CAMKMT: variants seen among roughly 807,000 people sequenced by gnomAD.
The protein encoded by CAMKMT is calmodulin-lysine N-methyltransferase.
A neutral mutation model predicts 48.0 loss-of-function variants in CAMKMT; 53 were observed. The observed-to-expected ratio is 1.10, with a 90% CI of 0.89 to 1.39. The LOEUF (loss-of-function observed/expected upper bound fraction) is 1.39, where lower values mean the gene tolerates loss of function less well. CAMKMT is among the 40% of genes most tolerant of loss of function. The probability of loss-of-function intolerance (pLI) is 0.00; values close to 1 mark genes in which losing one functional copy is unlikely to be tolerated. For missense variants in CAMKMT, 428 were observed against 402.7 expected (o/e 1.06, Z -0.54); for synonymous variants, 165 against 152.3 (o/e 1.08, Z -0.61).
chr2:44,615,352 G>A (rs1457762530), intron 3 of CAMKMT, among the ~76,000 whole-genome samples: 2 of 152,170 alleles, frequency 1.3e-5, no homozygotes, highest in Admixed American at 6.5e-5. Context: ...TGGGGCCGGG[G>A]AAGAGCAATA....
chr2:44,701,595 A>T (rs1273696169), intron 3 of CAMKMT, among the ~76,000 whole-genome samples: 1 of 152,178 alleles, frequency 6.6e-6, no homozygotes, highest in African/African-American at 2.4e-5. Flanking sequence ...TTGGGAAAAG[A>T]TGGGTTGTCA....
intron 3 of CAMKMT, among the ~76,000 whole-genome samples, chr2:44,599,826 TAAA>T (rs35544020): frequency 2.1e-5 from 3 of 145,438 alleles, no homozygotes; most frequent in South Asian, 2.2e-4. Context: ...TGGCAAGGTT[TAAA>T]AAAAAAAAAA....
At chr2:44,755,946 G>A (rs1396111634) in intron 9 of CAMKMT, among the ~76,000 whole-genome samples, 1 of 152,142 alleles carries the variant, frequency 6.6e-6, no homozygotes, top group Non-Finnish European at 1.5e-5. Context: ...GCAGTGGGGG[G>A]GCCTCACTTA....
chr2:44,396,548 G>A (rs1067341), intron 3 of CAMKMT, among the ~76,000 whole-genome samples: 83,504 of 151,860 alleles, frequency 0.55, 24,571 homozygotes, highest in Non-Finnish European at 0.66. Flanking sequence ...TTAAAAGTGA[G>A]ATAATTTTTG....
At chr2:44,523,614 A>G (rs1414878961) in intron 3 of CAMKMT, among the ~76,000 whole-genome samples, 1 of 151,448 alleles carries the variant, frequency 6.6e-6, no homozygotes, top group Middle Eastern at 3.2e-3. Context: ...CACTTATAAG[A>G]TGATTTCTTT....
intron 3 of CAMKMT, among the ~76,000 whole-genome samples, chr2:44,687,754 A>T (rs1185795747): frequency 6.6e-6 from 1 of 152,280 alleles, no homozygotes; most frequent in African/African-American, 2.4e-5. Flanking sequence ...CTGTGGATGG[A>T]TGCATCTAAG....
intron 7 of CAMKMT, among the ~76,000 whole-genome samples, chr2:44,738,276 CT>C (rs546943323): frequency 4.0e-5 from 6 of 150,936 alleles, no homozygotes; most frequent in Non-Finnish European, 6.0e-5. Flanking sequence ...TTATTTCTGT[CT>C]TCTTAAGGAT....
At chr2:44,617,347 T>C (rs994551500) in intron 3 of CAMKMT, among the ~76,000 whole-genome samples, 6 of 152,218 alleles carry the variant, frequency 3.9e-5, no homozygotes, top group Admixed American at 3.9e-4. Context: ...AAATTATTAT[T>C]GTTGAATTGC....
intron 3 of CAMKMT, among the ~76,000 whole-genome samples, chr2:44,413,524 C>T (rs1006698285): frequency 1.3e-5 from 2 of 151,762 alleles, no homozygotes; most frequent in South Asian, 4.2e-4. Context: ...GGGTGGCATG[C>T]GCCTATAATC....
At chr2:44,733,442 C>T (rs926122522) in intron 7 of CAMKMT, among the ~76,000 whole-genome samples, 10 of 152,084 alleles carry the variant, frequency 6.6e-5, no homozygotes, top group African/African-American at 2.4e-4. Context: ...TTTTGTATAT[C>T]TCTTTATACA....
At chr2:44,428,299 C>T (rs1353932412) in intron 3 of CAMKMT, among the ~76,000 whole-genome samples, 9 of 152,172 alleles carry the variant, frequency 5.9e-5, no homozygotes, top group African/African-American at 1.2e-4. Flanking sequence ...TTCGGTCGTT[C>T]CCAGCCCAAC....
At chr2:44,420,459 C>T (rs915201054) in intron 3 of CAMKMT, among the ~76,000 whole-genome samples, 1 of 152,064 alleles carries the variant, frequency 6.6e-6, no homozygotes, top group Non-Finnish European at 1.5e-5. Flanking sequence ...CAAAAATTTG[C>T]ATATAACTTT....
chr2:44,643,236 A>G (rs1178915102), intron 3 of CAMKMT, among the ~76,000 whole-genome samples: 1 of 152,246 alleles, frequency 6.6e-6, no homozygotes, highest in Non-Finnish European at 1.5e-5. Context: ...AAGATTTTCC[A>G]ATTAGTCAAG....
chr2:44,578,134 G>T lies in CAMKMT; in HGVS notation c.377-126149G>T, dbSNP rs532005515. Among the ~76,000 whole-genome samples the T allele has an allele frequency of 3.8e-4, 58 of 152,188 alleles. 1 individual carries two copies. The South Asian group carries it at 0.012, about 32-fold the overall frequency. On this transcript the variant is annotated intron_variant, in intron 3 of 10. Coordinates refer to ENST00000378494, the MANE Select transcript of CAMKMT (RefSeq NM_024766.5). ...GAAGGGCCCACATGAGAGCTCAGGC[G>T]GGTTGGAGGTGATCTCTCATTACCT...
intron 3 of CAMKMT, among the ~76,000 whole-genome samples, chr2:44,469,468 A>G (rs1250825583): frequency 3.3e-5 from 5 of 151,992 alleles, no homozygotes; most frequent in Non-Finnish European, 7.4e-5. Context: ...TAAATTTTAG[A>G]AACATTTTCT....
intron 3 of CAMKMT, among the ~76,000 whole-genome samples, chr2:44,417,209 T>G (rs1339410474): frequency 1.3e-5 from 2 of 151,944 alleles, no homozygotes; most frequent in Non-Finnish European, 2.9e-5. Context: ...CTGACCAACA[T>G]GGTGAAACCC....
At chr2:44,724,044 G>C (rs1378791012) in intron 7 of CAMKMT, among the ~76,000 whole-genome samples, 1 of 152,138 alleles carries the variant, frequency 6.6e-6, no homozygotes, top group East Asian at 1.9e-4. Context: ...GTCCTTAGGG[G>C]AACTGTCACT....
intron 3 of CAMKMT, among the ~76,000 whole-genome samples, chr2:44,654,723 C>T (rs1229921772): frequency 6.6e-6 from 1 of 152,168 alleles, no homozygotes; most frequent in African/African-American, 2.4e-5. Context: ...CCATGTTGGC[C>T]AGATTGGTCT....
intron 3 of CAMKMT, among the ~76,000 whole-genome samples, chr2:44,503,324 A>T (rs1034812364): frequency 1.3e-5 from 2 of 152,140 alleles, no homozygotes; most frequent in African/African-American, 4.8e-5. Flanking sequence ...GAGGGAAAGT[A>T]AGAGTAAAGA....
Sources: allele counts gnomAD v4.1 joint callset (sites outside exome capture counted in the v4.1 genomes callset), GRCh38; gene constraint gnomAD v4.1.1; transcripts MANE v1.5; gene names NCBI Gene and HGNC (gene_info 2026-07-23, HGNC 2026-07-21).